Variants in SLC25A33 observed in about 807,000 individuals in gnomAD.
The protein encoded by SLC25A33 is solute carrier family 25 member 33, also known as bone marrow stromal cell mitochondrial carrier protein.
In SLC25A33, 15 loss-of-function variants were observed where a neutral mutation model predicts 35.5. That is an observed-to-expected ratio of 0.42 (90% CI 0.28 to 0.65). SLC25A33 has a LOEUF of 0.65. Ranked by LOEUF, SLC25A33 falls within the 30% of genes least tolerant of loss-of-function variation. SLC25A33 has a pLI of 0.20. For synonymous variants in SLC25A33, 136 were observed against 148.7 expected, an observed-to-expected ratio of 0.91 and a Z score of 0.62; for missense variants, 257 against 398.5, an observed-to-expected ratio of 0.64 and a Z score of 3.02.
At chr1:9,579,209 CCA>C (rs1467793242) in intron 5 of SLC25A33, among the ~76,000 whole-genome samples, 1 of 152,120 alleles carries the variant, frequency 6.6e-6, no homozygotes, top group Admixed American at 6.6e-5. Context: ...GGGGTTTTCC[CCA>C]CACACACCAA....
rs1007684630 is a variant in SLC25A33, at chr1:9,556,925, T to TTTAA, written c.236+3135_236+3138dup. 3.9e-5 allele frequency among the ~76,000 whole-genome samples: 6 copies of TTTAA among 152,334 alleles called. No individual in the cohort carries two copies. The East Asian group carries it at 7.7e-4, about 20-fold the overall frequency. On this transcript the variant is annotated intron_variant, in intron 2 of 6. Transcript: ENST00000302692. Reference sequence around the variant, plus strand: ...TGAGCCATCACTTATATATGAATACTTTAATTAATTAATTAATTTTGGGTT... The same window carrying TTTAA: ...TGAGCCATCACTTATATATGAATACTTTAATTAATTAATTAATTAATTTTGGGTT...
intron 2 of SLC25A33, among the ~76,000 whole-genome samples, chr1:9,558,337 C>T (rs1643374793): frequency 6.6e-6 from 1 of 152,172 alleles, no homozygotes; most frequent in African/African-American, 2.4e-5. Flanking sequence ...TGTGCTGCAG[C>T]CTTACAACCT....
At chr1:9,567,740 C>A (rs1346328220) in intron 3 of SLC25A33, among the ~76,000 whole-genome samples, 1 of 152,174 alleles carries the variant, frequency 6.6e-6, no homozygotes, top group Non-Finnish European at 1.5e-5. Context: ...TTAACAGAAC[C>A]CCCAGGTGAC....
chr1:9,561,041 C>T (rs1003115496), intron 2 of SLC25A33, among the ~76,000 whole-genome samples: 2 of 151,594 alleles, frequency 1.3e-5, no homozygotes, highest in Non-Finnish European at 2.9e-5. Flanking sequence ...CCTCTGTCTC[C>T]CGGATTCAAG....
At chr1:9,553,229 G>A (rs910046200) in intron 1 of SLC25A33, among the ~76,000 whole-genome samples, 1 of 53,038 alleles carries the variant, frequency 1.9e-5, no homozygotes, top group African/African-American at 8.5e-5. Context: ...TTTTTTTTTG[G>A]GTTTTTTTTT....
At chr1:9,579,814 A>G in intron 5 of SLC25A33, 140 bp from the exon 6 acceptor site, 1 of 1,012,050 alleles carries the variant, frequency 9.9e-7, no homozygotes, top group Non-Finnish European at 1.4e-6. Context: ...AACGAAAGAC[A>G]AGGGCTATGA....
At chr1:9,567,196 A>G in intron 2 of SLC25A33, 88 bp from the exon 3 acceptor site, 2 of 1,083,544 alleles carry the variant, frequency 1.8e-6, no homozygotes, top group Non-Finnish European at 1.4e-6. Context: ...TTATTCTCTC[A>G]AGGAACTAAT....
chr1:9,565,834 C>T (rs1033003486), intron 2 of SLC25A33, among the ~76,000 whole-genome samples: 11 of 149,740 alleles, frequency 7.3e-5, no homozygotes, highest in Non-Finnish European at 1.5e-4. Flanking sequence ...GCCAAGATTG[C>T]ACCACTGCAT....
chr1:9,541,596 T>A (rs1196638325), intron 1 of SLC25A33, among the ~76,000 whole-genome samples: 2 of 151,898 alleles, frequency 1.3e-5, no homozygotes, highest in Non-Finnish European at 2.9e-5. Context: ...CGGCAGAGAC[T>A]TCCTTTCAGA....
At chr1:9,560,486 C>A (rs1643407943) in intron 2 of SLC25A33, among the ~76,000 whole-genome samples, 1 of 151,968 alleles carries the variant, frequency 6.6e-6, no homozygotes, top group Non-Finnish European at 1.5e-5. Context: ...ATGGCATGAA[C>A]CCCGGAGGCG....
At chr1:9,556,331 C>A in intron 2 of SLC25A33, 1 of 839,390 alleles carries the variant, frequency 1.2e-6, no homozygotes, top group Non-Finnish European at 1.4e-6. Context: ...TTTGGATTTA[C>A]TGTAACTGGG....
chr1:9,564,765 T>TATATATATATATATATATATACAC (rs59741987), intron 2 of SLC25A33, among the ~76,000 whole-genome samples: 72 of 114,698 alleles, frequency 6.3e-4, no homozygotes, highest in Non-Finnish European at 1.0e-3. Flanking sequence ...TATATATATA[T>TATATATATATATATATATATACAC]ACACAAAAAT....
chr1:9,579,628 C>T (rs1433444964), intron 5 of SLC25A33, among the ~76,000 whole-genome samples: 1 of 152,300 alleles, frequency 6.6e-6, no homozygotes, highest in South Asian at 2.1e-4. Flanking sequence ...TGAACCCTGT[C>T]CTCTTGGGTT....
At chr1:9,544,778 A>T (rs1185343225) in intron 1 of SLC25A33, among the ~76,000 whole-genome samples, 2 of 152,206 alleles carry the variant, frequency 1.3e-5, no homozygotes, top group East Asian at 1.9e-4. Context: ...TCAGTGGGGT[A>T]GTGATTATTA....
intron 1 of SLC25A33, among the ~76,000 whole-genome samples, chr1:9,546,548 AAAATT>A (rs1643173448): frequency 1.3e-5 from 2 of 152,270 alleles, no homozygotes; most frequent in South Asian, 4.1e-4. Flanking sequence ...CCTTAGGAGC[AAAATT>A]AAATTAACGT....
chr1:9,545,992 A>G (rs1643163329), intron 1 of SLC25A33, among the ~76,000 whole-genome samples: 1 of 151,580 alleles, frequency 6.6e-6, no homozygotes, highest in South Asian at 2.1e-4. Context: ...CATAGTTGAA[A>G]ACAGAAAAGG....
rs150352105 is a variant in SLC25A33, at chr1:9,576,296, A to C, written c.482+2884A>C. ...GTGGGATAAGGTTGCTGAGGGTGCC[A>C]CTAGACCTTCAAGAGTCACCCAGTA... On this transcript the variant is annotated intron_variant, in intron 5 of 6. Coordinates refer to ENST00000302692, the MANE Select transcript of SLC25A33 (RefSeq NM_032315.3). The C allele has an allele frequency of 8.2e-3, 2,134 of 258,980 alleles. 111 individuals carry two copies. The highest frequency in any genetic ancestry group is 0.076 in the Admixed American group (1,566 of 20,640). The allele number at this position is 258,980 out of a possible 1,614,324, so 16.0% of individuals were successfully genotyped here.
intron 2 of SLC25A33, among the ~76,000 whole-genome samples, chr1:9,561,567 G>GTTAGAAGT (rs746097076): frequency 7.2e-5 from 11 of 152,064 alleles, no homozygotes; most frequent in Non-Finnish European, 2.9e-5. Flanking sequence ...ATCAAGCTAG[G>GTTAGAAGT]TTAGAAGTTT....
At chr1:9,554,087 G>A (rs1318379405) in intron 2 of SLC25A33, among the ~76,000 whole-genome samples, 1 of 152,170 alleles carries the variant, frequency 6.6e-6, no homozygotes, top group African/African-American at 2.4e-5. Flanking sequence ...CATTGCTCTT[G>A]CTCAAAGCTT....
Sources: gnomAD v4.1 joint callset for allele counts (sites outside exome capture counted in the v4.1 genomes callset) on GRCh38, gnomAD v4.1.1 for gene constraint, MANE v1.5 for transcripts, NCBI Gene and HGNC (gene_info 2026-07-23, HGNC 2026-07-21) for gene names.